NOL4: variants seen among roughly 807,000 people sequenced by gnomAD.
The protein encoded by NOL4 is cancer/testis antigen 125.
A neutral mutation model predicts 75.9 loss-of-function variants in NOL4; 17 were observed. That is an observed-to-expected ratio of 0.22 (90% CI 0.15 to 0.34). The LOEUF is 0.34. Among genes scored for constraint, NOL4 ranks in the 10% least tolerant of loss-of-function variants. The pLI is 1.00. For synonymous variants in NOL4, 292 were observed against 289.9 expected, an observed-to-expected ratio of 1.01 and a Z score of -0.07; for missense variants, 614 against 793.5, an observed-to-expected ratio of 0.77 and a Z score of 2.72.
intron 5 of NOL4, among the ~76,000 whole-genome samples, chr18:34,068,303 A>G (rs1330617547): frequency 6.6e-6 from 1 of 152,222 alleles, no homozygotes; most frequent in Non-Finnish European, 1.5e-5. Flanking sequence ...GTGTCAACTA[A>G]TTCTTCCTCC....
chr18:34,034,952 T>G (rs1048043219), intron 5 of NOL4, among the ~76,000 whole-genome samples: 6 of 152,204 alleles, frequency 3.9e-5, no homozygotes, highest in African/African-American at 1.4e-4. Context: ...CCCAGATTCA[T>G]AAAGCAAATA....
At chr18:33,978,715 T>A (rs2071702974) in intron 6 of NOL4, among the ~76,000 whole-genome samples, 1 of 152,084 alleles carries the variant, frequency 6.6e-6, no homozygotes, top group African/African-American at 2.4e-5. Context: ...ATTTGCATAC[T>A]ACCTATGTAC....
chr18:34,065,811 T>A (rs1302240792), intron 5 of NOL4, among the ~76,000 whole-genome samples: 2 of 151,998 alleles, frequency 1.3e-5, no homozygotes, highest in African/African-American at 4.8e-5. Flanking sequence ...GATAAGAGAT[T>A]AAATGCTAAG....
intron 9 of NOL4, among the ~76,000 whole-genome samples, chr18:33,900,952 C>G (rs1249298985): frequency 6.6e-6 from 1 of 152,052 alleles, no homozygotes; most frequent in Non-Finnish European, 1.5e-5. Context: ...TTTGTTATGT[C>G]TAGCATGCTA....
intron 9 of NOL4, among the ~76,000 whole-genome samples, chr18:33,889,015 G>A (rs144602542): frequency 0.023 from 3,457 of 152,050 alleles, 141 homozygotes; most frequent in African/African-American, 0.079. Flanking sequence ...AAATAACTAA[G>A]ATCAGAGCAG....
intron 9 of NOL4, 22 bp from the exon 10 acceptor site, chr18:33,883,446 C>T: frequency 6.3e-7 from 1 of 1,579,896 alleles, no homozygotes; most frequent in Non-Finnish European, 8.6e-7. Context: ...GACAGCATTC[C>T]ATTATTTATC....
intron 1 of NOL4, among the ~76,000 whole-genome samples, chr18:34,203,085 A>G (rs1001588610): frequency 1.3e-5 from 2 of 152,086 alleles, no homozygotes; most frequent in African/African-American, 4.8e-5. Flanking sequence ...CACACATACT[A>G]TGAAATACTG....
intron 6 of NOL4, among the ~76,000 whole-genome samples, chr18:34,008,715 C>T (rs1479624146): frequency 2.0e-5 from 3 of 151,844 alleles, no homozygotes; most frequent in Non-Finnish European, 4.4e-5. Flanking sequence ...ATTTGATTCA[C>T]TGTTTTTGGT....
chr18:33,960,836 A>T (rs1456849988), intron 6 of NOL4, among the ~76,000 whole-genome samples: 3 of 152,126 alleles, frequency 2.0e-5, no homozygotes, highest in Non-Finnish European at 2.9e-5. Flanking sequence ...TATCAGTAGA[A>T]ATCAATTCCT....
intron 5 of NOL4, among the ~76,000 whole-genome samples, chr18:34,048,974 A>G (rs573254346): frequency 6.6e-6 from 1 of 152,152 alleles, no homozygotes; most frequent in South Asian, 2.1e-4. Flanking sequence ...TAAAATGATT[A>G]CAATGAGTTG....
intron 1 of NOL4, among the ~76,000 whole-genome samples, chr18:34,130,938 A>T (rs1266048088): frequency 6.6e-6 from 1 of 152,106 alleles, no homozygotes; most frequent in South Asian, 2.1e-4. Flanking sequence ...AAGAACAAAG[A>T]GTTTTCATGG....
intron 5 of NOL4, among the ~76,000 whole-genome samples, chr18:34,024,194 A>AAAATATATATATAT: frequency 4.5e-4 from 32 of 70,680 alleles, no homozygotes; most frequent in Non-Finnish European, 8.2e-4. Context: ...AAAAAAAAAA[A>AAAATATATATATAT]ATATATATAT....
In NOL4 at chr18:33,905,900, G is replaced by A. The variant is rs114720957; in HGVS notation, c.1543-22476C>T. ...CCCATCCAACCAGTAGTACCCAGAT[G>A]GGAGACAACATCCCATTGTCCTCAA... On this transcript the variant is annotated intron_variant, in intron 9 of 10. Transcript: ENST00000261592. Among the ~76,000 whole-genome samples, 243 of 152,240 alleles carry A rather than the reference G, an allele frequency of 1.6e-3. 3 individuals are homozygous for A. The highest frequency in any genetic ancestry group is 5.7e-3 in the African/African-American group (237 of 41,540).
At position 34,133,401 on chromosome 18, in the gene NOL4, C is replaced by A. The variant is rs146096106; in HGVS notation, c.265-3381G>T. Among the ~76,000 whole-genome samples, 456 of 151,474 alleles carry A rather than the reference C, an allele frequency of 3.0e-3. 6 individuals carry two copies. The highest frequency in any genetic ancestry group is 0.027 in the Admixed American group (409 of 15,202). On this transcript the variant is annotated intron_variant, in intron 1 of 10. Transcript: ENST00000261592. Reference sequence around the variant, plus strand: ...TATTTGGGCTGAAGGTAAATGACATCAGACAGTAATTCAAATTCACATGAA... The same window carrying A: ...TATTTGGGCTGAAGGTAAATGACATAAGACAGTAATTCAAATTCACATGAA...
intron 10 of NOL4, among the ~76,000 whole-genome samples, chr18:33,861,323 G>A (rs768776687): frequency 2.0e-4 from 30 of 152,238 alleles, no homozygotes; most frequent in Non-Finnish European, 2.4e-4. Context: ...CCTGTTATTG[G>A]TCTATTCAGA....
chr18:34,072,513 CATGTCTTT>C (rs2145278333), intron 5 of NOL4, among the ~76,000 whole-genome samples: 2 of 152,170 alleles, frequency 1.3e-5, no homozygotes, highest in East Asian at 3.9e-4. Context: ...GAGATTTTAA[CATGTCTTT>C]ATGGCAAATT....
At chr18:33,904,153 G>A (rs752069378) in intron 9 of NOL4, among the ~76,000 whole-genome samples, 11 of 152,032 alleles carry the variant, frequency 7.2e-5, no homozygotes, top group Non-Finnish European at 8.8e-5. Flanking sequence ...TCCCACAGAT[G>A]CCTAGAATTA....
rs375930189 is a variant in NOL4 at position 33,960,398 on chromosome 18, T to C, written c.1057-1980A>G. 1.6e-4 allele frequency among the ~76,000 whole-genome samples: 24 copies of C among 152,252 alleles called. 1 individual carries two copies. The East Asian group carries it at 2.1e-3, about 13-fold the overall frequency. ...ATATATTTATTTTAGGAAAAATATA[T>C]ATTTAAGAGAATAAACTCTTAATAA... On this transcript the variant is annotated intron_variant, in intron 6 of 10. Transcript: ENST00000261592.
At chr18:34,154,528 G>T (rs962926258) in intron 1 of NOL4, among the ~76,000 whole-genome samples, 15 of 151,750 alleles carry the variant, frequency 9.9e-5, no homozygotes, top group African/African-American at 3.6e-4. Context: ...TTTTTTTATT[G>T]TTGCATAGTA....
Sources: allele counts gnomAD v4.1 joint callset (sites outside exome capture counted in the v4.1 genomes callset), GRCh38; gene constraint gnomAD v4.1.1; transcripts MANE v1.5; gene names NCBI Gene and HGNC (gene_info 2026-07-23, HGNC 2026-07-21).